Variants in STARD13 observed in about 807,000 individuals in gnomAD.
STARD13 encodes the protein StAR related lipid transfer domain containing 13, also known as stAR-related lipid transfer protein 13.
STARD13 carries 62 observed loss-of-function variants against 106.4 expected under a neutral mutation model. That is an observed-to-expected ratio of 0.58 (90% CI 0.48 to 0.72). STARD13 has a LOEUF of 0.72. Among genes scored for constraint, STARD13 ranks in the 30% least tolerant of loss-of-function variants. The pLI, the probability that STARD13 is intolerant of heterozygous loss-of-function variation, is 0.00. For missense variants in STARD13, 1,387 were observed against 1,424.0 expected (o/e 0.97, Z 0.42); for synonymous variants, 565 against 553.0 (o/e 1.02, Z -0.31).
chr13:33,163,322 C>T (rs1882855971), intron 3 of STARD13, among the ~76,000 whole-genome samples: 2 of 151,812 alleles, frequency 1.3e-5, no homozygotes. Context: ...CTCGGTGGCT[C>T]ACACCTGTAA....
chr13:33,309,218 C>T (rs142119267), intron 1 of STARD13, among the ~76,000 whole-genome samples: 11 of 152,314 alleles, frequency 7.2e-5, no homozygotes, highest in African/African-American at 2.6e-4. Flanking sequence ...AGCTCCAGCC[C>T]TGCCTCCTCC....
At position 33,275,955 on chromosome 13, in the gene STARD13, C is replaced by G. The variant is rs575543676; in HGVS notation, c.169+9515G>C. The G allele has an allele frequency of 2.0e-5, 3 of 152,376 alleles. No individual in the cohort carries two copies. In the South Asian group the frequency reaches 6.2e-4, roughly 32 times the overall value. The allele number at this position is 152,376 out of a possible 1,614,324, so 9.4% of individuals were successfully genotyped here. On this transcript the variant is annotated intron_variant, in intron 1 of 13. Coordinates refer to ENST00000336934, the MANE Select transcript of STARD13 (RefSeq NM_178006.4). ...CCAGTGATAACACATAAAAATTCCACTCAGTATTGGGACCAATAGATAATG... is the reference window on the plus strand; with the variant it reads ...CCAGTGATAACACATAAAAATTCCAGTCAGTATTGGGACCAATAGATAATG...
chr13:33,107,433 T>A (rs1258069858), intron 12 of STARD13, among the ~76,000 whole-genome samples: 2 of 152,072 alleles, frequency 1.3e-5, no homozygotes, highest in African/African-American at 4.8e-5. Flanking sequence ...CACAGAGGGC[T>A]CTGGGATCAC....
chr13:33,223,152 G>A (rs929118993), intron 1 of STARD13, among the ~76,000 whole-genome samples: 5 of 152,238 alleles, frequency 3.3e-5, no homozygotes, highest in African/African-American at 7.2e-5. Flanking sequence ...TACCCAGCCT[G>A]TGCTGGCAGG....
At position 33,127,566 on chromosome 13, in the gene STARD13, A is replaced by G; in HGVS notation, c.1749-20T>C. 1 of 1,518,594 alleles carries G rather than the reference A, an allele frequency of 6.6e-7. No homozygotes were observed. The highest frequency in any genetic ancestry group is 2.5e-5 in the East Asian group (1 of 40,518). 94.1% of individuals were successfully genotyped at this position (1,518,594 alleles called of 1,614,324 possible). A position where few individuals can be genotyped will look rare whatever the true frequency, so the allele number is the denominator to read the frequency against. On this transcript the variant is annotated intron_variant, in intron 5 of 13. Coordinates refer to ENST00000336934, the MANE Select transcript of STARD13 (RefSeq NM_178006.4). The stretch of plus-strand genomic sequence containing the variant: ...AGTCGCCTTTACCAGAGAGACCATC[A>G]GAGAAGCCAGTCACAAAGTGGACTT...
At chr13:33,659,694 C>T in the STARD13 span, 1 of 152,286 alleles carries the variant, frequency 6.6e-6, no homozygotes, top group East Asian at 1.9e-4. Flanking sequence ...GTGGGGAAAA[C>T]CCATGCTAAA....
intron 11 of STARD13, among the ~76,000 whole-genome samples, chr13:33,110,439 C>T (rs1311517484): frequency 1.3e-5 from 2 of 152,178 alleles, no homozygotes; most frequent in African/African-American, 4.8e-5. Flanking sequence ...AGGTGTGTGA[C>T]TTGCCCAACA....
the STARD13 span, among the ~76,000 whole-genome samples, chr13:33,541,298 T>A: frequency 2.1e-4 from 32 of 152,336 alleles, no homozygotes; most frequent in African/African-American, 6.5e-4. Context: ...ATCTTCCAGA[T>A]CACTCTTTGA....
chr13:33,107,196 C>A (rs183824781), intron 12 of STARD13, among the ~76,000 whole-genome samples: 7 of 152,228 alleles, frequency 4.6e-5, no homozygotes, highest in African/African-American at 1.7e-4. Flanking sequence ...ATCCCCAGCT[C>A]TGCTTAGCTG....
At chr13:33,341,882 T>G (rs1356876626) in intron 1 of STARD13, among the ~76,000 whole-genome samples, 1 of 151,974 alleles carries the variant, frequency 6.6e-6, no homozygotes, top group Admixed American at 6.6e-5. Flanking sequence ...CTCCTCCTCT[T>G]GGGTTCAAGT....
the STARD13 span, among the ~76,000 whole-genome samples, chr13:33,666,659 C>T: frequency 0.04 from 6,057 of 152,032 alleles, 245 homozygotes; most frequent in African/African-American, 0.1. Context: ...GGCGCGATCT[C>T]GACTCACTGC....
intron 1 of STARD13, among the ~76,000 whole-genome samples, chr13:33,264,084 C>G (rs1890777662): frequency 6.6e-6 from 1 of 152,220 alleles, no homozygotes; most frequent in South Asian, 2.1e-4. Context: ...GCACCAGCTG[C>G]CAGTCTCACT....
intron 1 of STARD13, among the ~76,000 whole-genome samples, chr13:33,282,411 G>A (rs995540567): frequency 6.6e-6 from 1 of 152,110 alleles, no homozygotes; most frequent in African/African-American, 2.4e-5. Context: ...CATCATCAAA[G>A]ATTCCTTTAT....
At chr13:33,578,520 A>C in the STARD13 span, among the ~76,000 whole-genome samples, 1 of 152,116 alleles carries the variant, frequency 6.6e-6, no homozygotes, top group African/African-American at 2.4e-5. Context: ...TAAAGACTTA[A>C]ATCTAAGACG....
chr13:33,452,731 T>G, the STARD13 span, among the ~76,000 whole-genome samples: 10 of 152,276 alleles, frequency 6.6e-5, no homozygotes, highest in African/African-American at 2.4e-4. Flanking sequence ...AAGATTAAGC[T>G]AAAAACTTGT....
At chr13:33,567,746 A>G in the STARD13 span, among the ~76,000 whole-genome samples, 1 of 148,208 alleles carries the variant, frequency 6.7e-6, no homozygotes, top group African/African-American at 2.5e-5. Context: ...CCTTTTCCAC[A>G]AAAATTCATC....
At chr13:33,595,427 A>G in the STARD13 span, among the ~76,000 whole-genome samples, 1 of 152,312 alleles carries the variant, frequency 6.6e-6, no homozygotes, top group Non-Finnish European at 1.5e-5. Context: ...GGACAGTAGG[A>G]GTTAAAAATT....
In STARD13 at chr13:33,127,490, G is replaced by A. The variant is rs781226467; in HGVS notation, c.1805C>T (p.Ser602Leu). 7.5e-6 allele frequency: 12 copies of A among 1,591,762 alleles called. No individual in the cohort carries two copies. The highest frequency in any genetic ancestry group is 5.2e-5 in the Admixed American group (3 of 57,972). The change falls in exon 6 of 14, where the codon TCG becomes TTG. Residue 602 changes from serine to leucine, a missense_variant. By Grantham distance (145) the Ser-to-Leu change is moderately radical. Coordinates refer to ENST00000336934, the MANE Select transcript of STARD13 (RefSeq NM_178006.4). Reference protein sequence around the residue: ...LSHQPRPAPASPHISSQTASQ... With the variant: ...LSHQPRPAPALPHISSQTASQ... ...GGCCGTCTGGCTGCTGATGTGGGGC[G>A]ATGCTGGGGCCGGCCGGGGCTGGTG...
the STARD13 span, among the ~76,000 whole-genome samples, chr13:33,375,565 A>G: frequency 1.3e-5 from 2 of 152,180 alleles, no homozygotes; most frequent in Non-Finnish European, 2.9e-5. Flanking sequence ...ACTTAGAATC[A>G]TGGCAGAAGG....
Sources: gnomAD v4.1 joint callset for allele counts (sites outside exome capture counted in the v4.1 genomes callset) on GRCh38, gnomAD v4.1.1 for gene constraint, MANE v1.5 for transcripts, NCBI Gene and HGNC (gene_info 2026-07-23, HGNC 2026-07-21) for gene names.